The following GALNT17 variants were observed in gnomAD, a reference collection of about 807,000 sequenced individuals.
The protein encoded by GALNT17 is polypeptide N-acetylgalactosaminyltransferase 17.
A neutral mutation model predicts 63.7 loss-of-function variants in GALNT17; 29 were observed. The observed-to-expected ratio is 0.46, with a 90% confidence interval of 0.34 to 0.62. The LOEUF is 0.62. Ranked by LOEUF, GALNT17 falls within the 20% of genes least tolerant of loss-of-function variation. GALNT17 has a pLI of 0.01. For missense variants in GALNT17, 603 were observed against 799.6 expected (o/e 0.75, Z 2.97); for synonymous variants, 305 against 318.3 (o/e 0.96, Z 0.45).
intron 5 of GALNT17, among the ~76,000 whole-genome samples, chr7:71,537,821 G>A (rs901418914): frequency 3.3e-5 from 5 of 151,968 alleles, no homozygotes; most frequent in African/African-American, 4.8e-5. Context: ...TCAAAAAAAC[G>A]AAAACAAAAA....
chr7:71,245,698 T>A (rs1283109728), intron 1 of GALNT17, among the ~76,000 whole-genome samples: 1 of 152,016 alleles, frequency 6.6e-6, no homozygotes, highest in African/African-American at 2.4e-5. Context: ...TGAAGGTGAG[T>A]TCTGTGTGTA....
intron 1 of GALNT17, among the ~76,000 whole-genome samples, chr7:71,138,126 C>G (rs533629552): frequency 4.3e-4 from 65 of 151,720 alleles, no homozygotes; most frequent in African/African-American, 1.6e-3. Context: ...GTGAGAAGAT[C>G]AGTTGAGGCC....
chr7:71,277,775 GA>G, intron 1 of GALNT17, among the ~76,000 whole-genome samples: 1 of 152,272 alleles, frequency 6.6e-6, no homozygotes, highest in Admixed American at 6.5e-5. Flanking sequence ...GAGGAATAAT[GA>G]TTATTGCAGT....
intron 6 of GALNT17, among the ~76,000 whole-genome samples, chr7:71,619,638 A>T (rs1352449581): frequency 1.3e-5 from 2 of 152,176 alleles, no homozygotes; most frequent in Non-Finnish European, 2.9e-5. Flanking sequence ...TTGTACATTG[A>T]TTTTGTATCC....
At chr7:71,419,184 A>G (rs2116446513) in intron 4 of GALNT17, among the ~76,000 whole-genome samples, 1 of 152,358 alleles carries the variant, frequency 6.6e-6, no homozygotes, top group Middle Eastern at 3.4e-3. Flanking sequence ...CTTCTAATGC[A>G]TGATCTGGAC....
At chr7:71,688,191 T>A (rs75552541) in intron 9 of GALNT17, among the ~76,000 whole-genome samples, 4,073 of 152,328 alleles carry the variant, frequency 0.027, 187 homozygotes, top group African/African-American at 0.09. Flanking sequence ...TGCATTCCAA[T>A]GCAACACTTA....
intron 1 of GALNT17, among the ~76,000 whole-genome samples, chr7:71,140,734 A>G (rs138775744): frequency 2.0e-5 from 3 of 152,270 alleles, no homozygotes; most frequent in Admixed American, 6.5e-5. Flanking sequence ...AAGAATATAT[A>G]AGAAGAACCA....
chr7:71,627,647 C>T (rs1365598453), intron 6 of GALNT17, among the ~76,000 whole-genome samples: 1 of 152,186 alleles, frequency 6.6e-6, no homozygotes, highest in Non-Finnish European at 1.5e-5. Flanking sequence ...GATAACAAGA[C>T]CTACTACATC....
intron 5 of GALNT17, among the ~76,000 whole-genome samples, chr7:71,539,880 G>T (rs1434097792): frequency 6.6e-6 from 1 of 150,988 alleles, no homozygotes; most frequent in Non-Finnish European, 1.5e-5. Context: ...AGGTACTCCA[G>T]ACTTCCAAGT....
At chr7:71,398,624 G>A (rs931957736) in intron 3 of GALNT17, among the ~76,000 whole-genome samples, 3 of 152,152 alleles carry the variant, frequency 2.0e-5, no homozygotes, top group Non-Finnish European at 4.4e-5. Flanking sequence ...GATATCTGGT[G>A]AGTCTTTTCT....
chr7:71,355,872 G>A (rs1316046563), intron 2 of GALNT17, among the ~76,000 whole-genome samples: 1 of 152,086 alleles, frequency 6.6e-6, no homozygotes, highest in African/African-American at 2.4e-5. Context: ...TTGAGAAGAT[G>A]TGTTGCCTGT....
At chr7:71,482,598 A>G (rs1200679523) in intron 5 of GALNT17, among the ~76,000 whole-genome samples, 1 of 152,212 alleles carries the variant, frequency 6.6e-6, no homozygotes, top group Non-Finnish European at 1.5e-5. Flanking sequence ...AAGAACCTGT[A>G]GAGCACGTTG....
At chr7:71,219,380 G>A (rs527918597) in intron 1 of GALNT17, among the ~76,000 whole-genome samples, 37 of 151,686 alleles carry the variant, frequency 2.4e-4, no homozygotes, top group African/African-American at 8.2e-4. Context: ...TTTGGTTCTA[G>A]TAGATTTTTA....
intron 3 of GALNT17, among the ~76,000 whole-genome samples, chr7:71,399,068 G>A (rs531061103): frequency 2.6e-5 from 4 of 151,894 alleles, no homozygotes; most frequent in East Asian, 1.9e-4. Context: ...CCCCGTCTAC[G>A]CTAAAAATAC....
In GALNT17 at chr7:71,665,568, T is replaced by G; in HGVS notation, c.1238T>G (p.Val413Gly). The G allele has an allele frequency of 1.2e-6, 2 of 1,613,992 alleles. No homozygotes were observed. The highest frequency in any genetic ancestry group is 1.7e-6 in the Non-Finnish European group (2 of 1,179,968). ...EVWMDDYKSHVYIAWNLPLEN... is the reference protein window; with the variant it reads ...EVWMDDYKSHGYIAWNLPLEN... ...TGGATGGACGATTACAAGTCTCATGTGTACATAGCGTGGAACCTGCCGCTG... is the reference window on the plus strand; with the variant it reads ...TGGATGGACGATTACAAGTCTCATGGGTACATAGCGTGGAACCTGCCGCTG... Residue 413 changes from valine (V) to glycine (G), a missense_variant, in exon 7 of 11, where the codon GTG becomes GGG. Coordinates refer to ENST00000333538, the MANE Select transcript of GALNT17 (RefSeq NM_022479.3).
chr7:71,134,843 T>G (rs1035914692), intron 1 of GALNT17, among the ~76,000 whole-genome samples: 1 of 81,072 alleles, frequency 1.2e-5, no homozygotes, highest in Non-Finnish European at 2.5e-5. Context: ...TGGTTTTTTT[T>G]TTTTTTTTTT....
Position 71,560,407 on chromosome 7 carries a change from C to G in GALNT17, c.963-10878C>G, listed in dbSNP as rs151303335. Among the ~76,000 whole-genome samples, 6 of 152,102 alleles carry G rather than the reference C, an allele frequency of 3.9e-5. No homozygotes were observed. The East Asian group carries it at 9.7e-4, about 25-fold the overall frequency. On this transcript the variant is annotated intron_variant, in intron 5 of 10. Coordinates refer to ENST00000333538, the MANE Select transcript of GALNT17 (RefSeq NM_022479.3). The stretch of plus-strand genomic sequence containing the variant: ...TGCTTGGGGAGTAACAAGCAACTCC[C>G]CATGAGAACACAGGCTTTGATCAAT...
At chr7:71,163,046 G>A (rs1562876544) in intron 1 of GALNT17, among the ~76,000 whole-genome samples, 1 of 152,186 alleles carries the variant, frequency 6.6e-6, no homozygotes, top group Non-Finnish European at 1.5e-5. Flanking sequence ...TATGTTTGGA[G>A]GTAGTGAGAA....
intron 1 of GALNT17, among the ~76,000 whole-genome samples, chr7:71,169,870 G>C (rs1788512911): frequency 6.6e-6 from 1 of 152,084 alleles, no homozygotes. Flanking sequence ...TGTACTTTTA[G>C]ATTGGATTGT....
Sources: allele counts gnomAD v4.1 joint callset (sites outside exome capture counted in the v4.1 genomes callset), GRCh38; gene constraint gnomAD v4.1.1; transcripts MANE v1.5; gene names NCBI Gene and HGNC (gene_info 2026-07-23, HGNC 2026-07-21).